Variants in C12orf42 observed in about 807,000 individuals in gnomAD.
The protein encoded by C12orf42 is uncharacterized protein C12orf42.
A neutral mutation model predicts 21.6 loss-of-function variants in C12orf42; 25 were observed. The observed-to-expected ratio is 1.16, with a 90% CI of 0.84 to 1.62. The LOEUF is 1.62. Ranked by LOEUF, C12orf42 falls within the 40% of genes most tolerant of loss-of-function variation. The pLI is 0.00. For synonymous variants in C12orf42, 174 were observed against 175.0 expected, an observed-to-expected ratio of 0.99 and a Z score of 0.05; for missense variants, 483 against 459.3, an observed-to-expected ratio of 1.05 and a Z score of -0.47.
At chr12:103,492,745 G>A (rs1955262381) in intron 1 of C12orf42, among the ~76,000 whole-genome samples, 2 of 152,162 alleles carry the variant, frequency 1.3e-5, no homozygotes, top group South Asian at 4.1e-4. Flanking sequence ...CATAGGGCAA[G>A]TCAAGTGTCT....
At chr12:103,438,391 T>G (rs1286686321) in intron 2 of C12orf42, among the ~76,000 whole-genome samples, 2 of 152,098 alleles carry the variant, frequency 1.3e-5, no homozygotes, top group Admixed American at 1.3e-4. Flanking sequence ...AACACAGTGT[T>G]GGAAGTTCTG....
the C12orf42 span, among the ~76,000 whole-genome samples, chr12:103,161,283 G>A: frequency 6.6e-6 from 1 of 151,974 alleles, no homozygotes; most frequent in South Asian, 2.1e-4. Flanking sequence ...AGGTGGGATT[G>A]AAAAAGTGTC....
At chr12:103,546,115 G>A in the C12orf42 span, among the ~76,000 whole-genome samples, 3 of 152,184 alleles carry the variant, frequency 2.0e-5, no homozygotes, top group Non-Finnish European at 2.9e-5. Flanking sequence ...GAGGGAAGTC[G>A]CCTTGAGGAG....
At chr12:103,048,452 G>C in the C12orf42 span, among the ~76,000 whole-genome samples, 1 of 151,964 alleles carries the variant, frequency 6.6e-6, no homozygotes, top group Non-Finnish European at 1.5e-5. Flanking sequence ...CCCCATCCAC[G>C]CATGCACATA....
At chr12:103,155,706 A>ATATACACATACTTG in the C12orf42 span, among the ~76,000 whole-genome samples, 8 of 149,340 alleles carry the variant, frequency 5.4e-5, no homozygotes, top group East Asian at 1.4e-3. Context: ...ATACTTGTAT[A>ATATACACATACTTG]TATACATATA....
chr12:103,118,090 T>C, the C12orf42 span, among the ~76,000 whole-genome samples: 2 of 152,234 alleles, frequency 1.3e-5, no homozygotes, highest in African/African-American at 4.8e-5. Context: ...GCTAGTGTTT[T>C]CGTGGCCCCA....
At chr12:103,406,217 C>A (rs957052158) in intron 2 of C12orf42, among the ~76,000 whole-genome samples, 2 of 152,290 alleles carry the variant, frequency 1.3e-5, no homozygotes, top group African/African-American at 4.8e-5. Flanking sequence ...AGCTAAAATG[C>A]AGATTCTAAT....
intron 2 of C12orf42, among the ~76,000 whole-genome samples, chr12:103,409,416 CTTTAA>C (rs1002402074): frequency 2.6e-5 from 4 of 152,132 alleles, no homozygotes; most frequent in Non-Finnish European, 5.9e-5. Context: ...TCCCTTTCTG[CTTTAA>C]TTTAATAGCA....
At chr12:103,054,688 TC>T in the C12orf42 span, among the ~76,000 whole-genome samples, 2 of 151,936 alleles carry the variant, frequency 1.3e-5, no homozygotes, top group Non-Finnish European at 2.9e-5. Flanking sequence ...CAATTTAGCA[TC>T]AAGTATTAAG....
At chr12:103,519,788 T>A in the C12orf42 span, among the ~76,000 whole-genome samples, 174 of 151,750 alleles carry the variant, frequency 1.1e-3, 5 homozygotes, top group Admixed American at 0.011. Context: ...CACATACATC[T>A]CCCCACAGAT....
intron 1 of C12orf42, among the ~76,000 whole-genome samples, chr12:103,483,917 T>C: frequency 6.6e-6 from 1 of 152,144 alleles, no homozygotes; most frequent in Non-Finnish European, 1.5e-5. Context: ...CAGTGTTTGG[T>C]TTTCTGTCCT....
At chr12:103,555,686 T>C in the C12orf42 span, among the ~76,000 whole-genome samples, 4 of 152,052 alleles carry the variant, frequency 2.6e-5, no homozygotes, top group African/African-American at 9.7e-5. Flanking sequence ...AATCAGAATT[T>C]TGAACAAAAC....
chr12:103,073,895 C>T, the C12orf42 span, among the ~76,000 whole-genome samples: 231 of 152,156 alleles, frequency 1.5e-3, no homozygotes, highest in African/African-American at 4.8e-3. Context: ...TTTTAAGAGA[C>T]GTCATACGTG....
chr12:103,245,230 A>G (rs765654273), intron 10 of C12orf42, among the ~76,000 whole-genome samples: 1 of 152,146 alleles, frequency 6.6e-6, no homozygotes, highest in Non-Finnish European at 1.5e-5. Flanking sequence ...CACCTAGTAA[A>G]GATAAATGAA....
At chr12:103,258,126 A>G (rs929994732) in intron 10 of C12orf42, among the ~76,000 whole-genome samples, 1 of 152,134 alleles carries the variant, frequency 6.6e-6, no homozygotes, top group African/African-American at 2.4e-5. Flanking sequence ...TAGAGAATAA[A>G]AGATACACAC....
At chr12:103,421,084 ATGT>A (rs1593934565) in intron 2 of C12orf42, among the ~76,000 whole-genome samples, 2 of 152,176 alleles carry the variant, frequency 1.3e-5, no homozygotes, top group African/African-American at 4.8e-5. Context: ...GTGGTTGGGA[ATGT>A]TGTCCTAGGG....
intron 4 of C12orf42, among the ~76,000 whole-genome samples, chr12:103,346,189 C>A: frequency 6.6e-6 from 1 of 152,148 alleles, no homozygotes; most frequent in East Asian, 1.9e-4. Context: ...TGACTGTAAT[C>A]ACTTTCCTTA....
the C12orf42 span, chr12:103,504,394 C>A: frequency 6.1e-6 from 1 of 164,692 alleles, no homozygotes; most frequent in South Asian, 1.5e-4. Flanking sequence ...CAAGTTCTCC[C>A]TGCGGGCCTC....
chr12:103,279,405 A>T (rs12315487), intron 4 of C12orf42, among the ~76,000 whole-genome samples: 1 of 152,116 alleles, frequency 6.6e-6, no homozygotes, highest in Admixed American at 6.5e-5. Flanking sequence ...TTAAATATAT[A>T]TGTGTATATG....
Sources: allele counts gnomAD v4.1 joint callset (sites outside exome capture counted in the v4.1 genomes callset), GRCh38; gene constraint gnomAD v4.1.1; transcripts MANE v1.5; gene names NCBI Gene and HGNC (gene_info 2026-07-23, HGNC 2026-07-21).